AKIRIN2: variants seen among roughly 807,000 people sequenced by gnomAD.
AKIRIN2 encodes the protein akirin 2.
AKIRIN2 carries 6 observed loss-of-function variants against 29.3 expected under a neutral mutation model. The ratio of observed to expected loss-of-function variants is 0.20; its 90% CI spans 0.11 to 0.40. The LOEUF is 0.40. Ranked by LOEUF, AKIRIN2 falls within the 10% of genes least tolerant of loss-of-function variation. The pLI, the probability that AKIRIN2 is intolerant of heterozygous loss-of-function variation, is 1.00. For synonymous variants in AKIRIN2, 128 were observed against 117.5 expected, an observed-to-expected ratio of 1.09 and a Z score of -0.58; for missense variants, 210 against 276.1, an observed-to-expected ratio of 0.76 and a Z score of 1.70.
At chr6:87,677,670 G>A in intron 3 of AKIRIN2, 148 bp downstream of exon 3, 2 of 932,560 alleles carry the variant, frequency 2.1e-6, no homozygotes, top group Non-Finnish European at 3.1e-6. Context: ...TGAGCTATAA[G>A]AAGGTTAATT....
In AKIRIN2 at chr6:87,701,606, A is replaced by G; in HGVS notation, c.79T>C (p.Cys27Arg). The change falls in exon 1 of 5, where the codon TGT (cysteine) becomes CGT (arginine). Residue 27 changes from cysteine (C) to arginine (R), a missense_variant. Physicochemically the swap from Cys to Arg is radical, Grantham distance 180. This residue lies in a region of AKIRIN2 where 199 missense variants were observed against 236.5 expected (regional missense o/e 0.84). Transcript: ENST00000257787. ...GAGGTGGGCGCCGACAATGGCGCACATCGCCTGCGCTTCGGGGACGCCGGG... is the reference window on the plus strand; with the variant it reads ...GAGGTGGGCGCCGACAATGGCGCACGTCGCCTGCGCTTCGGGGACGCCGGG... ...LSPASPKRRR[C>R]APLSAPTSAA... 1 of 1,444,348 alleles carries G rather than the reference A, an allele frequency of 6.9e-7. No individual in the cohort carries two copies. The highest frequency in any genetic ancestry group is 1.5e-5 in the South Asian group (1 of 67,500). 89.5% of individuals were successfully genotyped at this position (1,444,348 alleles called of 1,614,324 possible).
chr6:87,701,977 C>G lies in AKIRIN2; in HGVS notation c.-293G>C, dbSNP rs934272558. On this transcript the variant is annotated 5_prime_UTR_variant, in exon 1 of 5. Coordinates refer to ENST00000257787, the MANE Select transcript of AKIRIN2 (RefSeq NM_018064.4). ...CTTCCGCCTCCTCAGGCGCGGCTCC[C>G]CCGAGAGAGGCTCCGGCCGCCCCCG... 2.5e-6 allele frequency: 1 copy of G among 397,518 alleles called. No individual in the cohort carries two copies. Among genetic ancestry groups the G allele is most frequent in the Non-Finnish European group, 4.4e-6 (1 of 225,828 alleles). The allele number at this position is 397,518 out of a possible 1,614,324, so 24.6% of individuals were successfully genotyped here. A position where few individuals can be genotyped will look rare whatever the true frequency, so the allele number is the denominator to read the frequency against.
intron 1 of AKIRIN2, among the ~76,000 whole-genome samples, chr6:87,685,235 G>C (rs1754265880): frequency 6.6e-6 from 1 of 152,180 alleles, no homozygotes; most frequent in Non-Finnish European, 1.5e-5. Context: ...GTAGCAAACA[G>C]CTAACTGCAA....
At chr6:87,677,008 T>C (rs1013564670) in intron 3 of AKIRIN2, among the ~76,000 whole-genome samples, 1 of 142,124 alleles carries the variant, frequency 7.0e-6, no homozygotes, top group African/African-American at 2.7e-5. Context: ...ACCCGGAAAG[T>C]AGAGCTTGCA....
At chr6:87,679,581 T>C (rs896787701) in intron 2 of AKIRIN2, among the ~76,000 whole-genome samples, 2 of 152,220 alleles carry the variant, frequency 1.3e-5, no homozygotes, top group African/African-American at 4.8e-5. Flanking sequence ...TTTGAACTCA[T>C]TGACCACTAA....
intron 1 of AKIRIN2, among the ~76,000 whole-genome samples, chr6:87,693,158 G>A (rs1360547333): frequency 6.6e-6 from 1 of 152,126 alleles, no homozygotes; most frequent in Non-Finnish European, 1.5e-5. Context: ...GAACCCAGAA[G>A]GCAGAGGTTG....
At chr6:87,690,228 A>C (rs915495847) in intron 1 of AKIRIN2, among the ~76,000 whole-genome samples, 4 of 151,780 alleles carry the variant, frequency 2.6e-5, no homozygotes, top group African/African-American at 9.7e-5. Context: ...AACCAAAAAA[A>C]CAAAAAAAAC....
intron 1 of AKIRIN2, among the ~76,000 whole-genome samples, chr6:87,693,937 CTAGATAATCATAT>C (rs2128302606): frequency 6.6e-6 from 1 of 152,256 alleles, no homozygotes; most frequent in South Asian, 2.1e-4. Context: ...AAAAGTTCTT[CTAGATAATCATAT>C]TTTAGTAGGA....
At chr6:87,678,426 C>T (rs767689696) in intron 2 of AKIRIN2, among the ~76,000 whole-genome samples, 3 of 151,448 alleles carry the variant, frequency 2.0e-5, no homozygotes, top group African/African-American at 7.3e-5. Context: ...CACTTGAACC[C>T]GGGAGGCGGA....
chr6:87,696,246 T>G (rs1199530811), intron 1 of AKIRIN2, among the ~76,000 whole-genome samples: 3 of 152,130 alleles, frequency 2.0e-5, no homozygotes, highest in Non-Finnish European at 1.5e-5. Context: ...ATTAAAAAAC[T>G]GAAGAAATTT....
chr6:87,681,615 A>G lies in AKIRIN2; in HGVS notation c.379+5T>C. 1.9e-6 allele frequency: 3 copies of G among 1,598,974 alleles called. No homozygotes were observed. Among genetic ancestry groups the G allele is most frequent in the Non-Finnish European group, 2.6e-6 (3 of 1,176,326 alleles). The stretch of plus-strand genomic sequence containing the variant: ...AACTTTGTAAATGACAAGAAATGTT[A>G]TTACCTGGTGAAGCTGGTCCACTGA... On this transcript the variant is annotated splice_donor_5th_base_variant and intron_variant, in intron 2 of 4. Transcript: ENST00000257787.
At chr6:87,676,029 G>T in intron 3 of AKIRIN2, 98 bp from the exon 4 acceptor site, 1 of 996,860 alleles carries the variant, frequency 1.0e-6, no homozygotes, top group Non-Finnish European at 1.5e-6. Flanking sequence ...ATTCTAAGTT[G>T]ACAAAATCAC....
chr6:87,678,632 G>C (rs1022474879), intron 2 of AKIRIN2, among the ~76,000 whole-genome samples: 4 of 152,128 alleles, frequency 2.6e-5, no homozygotes, highest in Non-Finnish European at 5.9e-5. Context: ...AAGTATTTTA[G>C]TGACTAAATT....
chr6:87,699,299 C>T (rs936986706), intron 1 of AKIRIN2, among the ~76,000 whole-genome samples: 1 of 152,116 alleles, frequency 6.6e-6, no homozygotes, highest in East Asian at 1.9e-4. Context: ...CAGGACCATA[C>T]CCCAAATTGG....
At chr6:87,688,940 A>G (rs1391641846) in intron 1 of AKIRIN2, among the ~76,000 whole-genome samples, 2 of 152,238 alleles carry the variant, frequency 1.3e-5, no homozygotes, top group Non-Finnish European at 2.9e-5. Flanking sequence ...CAAATTGAGT[A>G]ATTTACTTCA....
At chr6:87,697,822 T>G (rs138500709) in intron 1 of AKIRIN2, among the ~76,000 whole-genome samples, 57 of 152,344 alleles carry the variant, frequency 3.7e-4, no homozygotes, top group African/African-American at 1.3e-3. Context: ...CAGAATTCAA[T>G]TCCTAAGGCA....
intron 1 of AKIRIN2, among the ~76,000 whole-genome samples, chr6:87,689,172 CT>C (rs1424497356): frequency 1.3e-5 from 2 of 152,146 alleles, no homozygotes; most frequent in Non-Finnish European, 2.9e-5. Context: ...ACAAAACAAT[CT>C]CCTATAACAA....
intron 1 of AKIRIN2, among the ~76,000 whole-genome samples, chr6:87,697,670 T>TCCG (rs1771392897): frequency 6.6e-6 from 1 of 152,246 alleles, no homozygotes; most frequent in Non-Finnish European, 1.5e-5. Context: ...AGCTGGTGTC[T>TCCG]CCGTTTGCAG....
intron 1 of AKIRIN2, among the ~76,000 whole-genome samples, chr6:87,700,086 A>G (rs951086757): frequency 1.3e-5 from 2 of 152,116 alleles, no homozygotes; most frequent in African/African-American, 4.8e-5. Context: ...ATGCCTTTTC[A>G]ATCTAATTAA....
Sources: gnomAD v4.1 joint callset for allele counts (sites outside exome capture counted in the v4.1 genomes callset) on GRCh38, gnomAD v4.1.1 for gene constraint, gnomAD v4.1.1 regional missense constraint, MANE v1.5 for transcripts, NCBI Gene and HGNC (gene_info 2026-07-23, HGNC 2026-07-21) for gene names.